The following ACVR2A variants were observed in gnomAD, a reference collection of about 807,000 sequenced individuals.
ACVR2A encodes activin A receptor type 2A.
Under a neutral mutation model 61.4 loss-of-function variants are expected in ACVR2A, and 7 were observed. That is an observed-to-expected ratio of 0.11 (90% CI 0.06 to 0.21). ACVR2A has a LOEUF of 0.21. ACVR2A is among the 10% of genes least tolerant of loss of function. ACVR2A has a pLI of 1.00. For missense variants in ACVR2A, 322 were observed against 621.7 expected, an observed-to-expected ratio of 0.52 and a Z score of 5.13; for synonymous variants, 193 against 208.3, an observed-to-expected ratio of 0.93 and a Z score of 0.63.
intron 1 of ACVR2A, among the ~76,000 whole-genome samples, chr2:147,892,326 T>A (rs1686608750): frequency 6.6e-6 from 1 of 151,464 alleles, no homozygotes; most frequent in African/African-American, 2.4e-5. Flanking sequence ...CACTGTCAGT[T>A]CATGCTATAA....
chr2:147,883,470 C>T (rs1284436069), intron 1 of ACVR2A, among the ~76,000 whole-genome samples: 3 of 152,200 alleles, frequency 2.0e-5, no homozygotes, highest in African/African-American at 7.2e-5. Flanking sequence ...GGATTACAGG[C>T]ATGAGCCACT....
intron 1 of ACVR2A, among the ~76,000 whole-genome samples, chr2:147,863,530 T>C (rs1685777819): frequency 6.6e-6 from 1 of 152,252 alleles, no homozygotes; most frequent in Non-Finnish European, 1.5e-5. Flanking sequence ...ATGTTTTGTA[T>C]GTTATATGTG....
rs1405957470 is a variant in ACVR2A at position 147,861,434 on chromosome 2, T to G, written c.55+16227T>G. 3.3e-5 allele frequency among the ~76,000 whole-genome samples: 5 copies of G among 152,196 alleles called. No individual in the cohort carries two copies. In the South Asian group the frequency reaches 6.2e-4, roughly 19 times the overall value. On this transcript the variant is annotated intron_variant, in intron 1 of 10. Transcript: ENST00000241416. Reference sequence around the variant, plus strand: ...ATTATGTAGTTTATTGGTATAGTTTTATGTAAAGATTTTGGGGAGGATCTT... The same window carrying G: ...ATTATGTAGTTTATTGGTATAGTTTGATGTAAAGATTTTGGGGAGGATCTT...
At chr2:147,885,513 T>C (rs937416951) in intron 1 of ACVR2A, among the ~76,000 whole-genome samples, 4 of 152,150 alleles carry the variant, frequency 2.6e-5, no homozygotes, top group African/African-American at 4.8e-5. Context: ...AAAAGAGATA[T>C]GTAAGCAGTT....
intron 1 of ACVR2A, among the ~76,000 whole-genome samples, chr2:147,847,900 C>T (rs1685353650): frequency 1.3e-5 from 2 of 152,172 alleles, no homozygotes; most frequent in African/African-American, 4.8e-5. Context: ...TGCTTTAGTA[C>T]TTAGATTTAT....
At chr2:147,873,205 G>A (rs1464367419) in intron 1 of ACVR2A, among the ~76,000 whole-genome samples, 1 of 151,894 alleles carries the variant, frequency 6.6e-6, no homozygotes, top group Non-Finnish European at 1.5e-5. Flanking sequence ...GCACTATGGA[G>A]TGTCTAGAGT....
chr2:147,923,793 A>G lies in ACVR2A; in HGVS notation c.1216+682A>G, dbSNP rs1035326192. 5.3e-5 allele frequency among the ~76,000 whole-genome samples: 8 copies of G among 152,094 alleles called. 1 individual carries two copies. Among genetic ancestry groups the G allele is most frequent in the African/African-American group, 1.9e-4 (8 of 41,422 alleles). On this transcript the variant is annotated intron_variant, in intron 9 of 10. Coordinates refer to ENST00000241416, the MANE Select transcript of ACVR2A (RefSeq NM_001616.5). ...ACTGCTAAACTCCTAAACAGATGTA[A>G]ATGAGCTTGATCTGTTTCTTAAGTT...
At chr2:147,916,806 C>G (rs1687258633) in intron 5 of ACVR2A, among the ~76,000 whole-genome samples, 1 of 151,858 alleles carries the variant, frequency 6.6e-6, no homozygotes, top group African/African-American at 2.4e-5. Context: ...TTCTCATAGA[C>G]CTTGTAGGGT....
intron 1 of ACVR2A, among the ~76,000 whole-genome samples, chr2:147,858,807 G>A (rs749719160): frequency 3.3e-5 from 5 of 152,122 alleles, no homozygotes; most frequent in Non-Finnish European, 7.4e-5. Context: ...ATAAACTAGT[G>A]TCACTGTGTT....
intron 1 of ACVR2A, among the ~76,000 whole-genome samples, chr2:147,870,285 C>T (rs1335454639): frequency 6.6e-6 from 1 of 152,072 alleles, no homozygotes; most frequent in Non-Finnish European, 1.5e-5. Flanking sequence ...ATTTTTTCCT[C>T]TCTTTAATAT....
At chr2:147,921,861 T>G (rs1687388935) in intron 8 of ACVR2A, among the ~76,000 whole-genome samples, 1 of 152,198 alleles carries the variant, frequency 6.6e-6, no homozygotes, top group South Asian at 2.1e-4. Flanking sequence ...TTAAAAATTA[T>G]TGGCTTACAG....
At chr2:147,914,303 C>G (rs1054861605) in intron 4 of ACVR2A, among the ~76,000 whole-genome samples, 3 of 151,938 alleles carry the variant, frequency 2.0e-5, no homozygotes, top group African/African-American at 4.8e-5. Context: ...CTTCCTGCAT[C>G]TTGCTTTAGT....
rs1209504148 is a variant in ACVR2A, at chr2:147,868,366, T to C, written c.55+23159T>C. 2.0e-5 allele frequency among the ~76,000 whole-genome samples: 3 copies of C among 152,158 alleles called. No individual in the cohort carries two copies. In the South Asian group the frequency reaches 6.2e-4, roughly 32 times the overall value. ...AGGAGAGAAGAAGTGGAAAATGTAATGGCAGATAACGTTAGAAAAATAAGT... is the reference window on the plus strand; with the variant it reads ...AGGAGAGAAGAAGTGGAAAATGTAACGGCAGATAACGTTAGAAAAATAAGT... On this transcript the variant is annotated intron_variant, in intron 1 of 10. Coordinates refer to ENST00000241416, the MANE Select transcript of ACVR2A (RefSeq NM_001616.5).
At chr2:147,853,143 C>T (rs796205898) in intron 1 of ACVR2A, among the ~76,000 whole-genome samples, 2 of 152,016 alleles carry the variant, frequency 1.3e-5, no homozygotes, top group African/African-American at 4.8e-5. Flanking sequence ...TTGAAAGTGC[C>T]TTCATAACTA....
At chr2:147,882,255 A>G (rs1440808506) in intron 1 of ACVR2A, among the ~76,000 whole-genome samples, 1 of 152,166 alleles carries the variant, frequency 6.6e-6, no homozygotes, top group Admixed American at 6.6e-5. Flanking sequence ...TTAACATTAG[A>G]AGACCTTAAA....
intron 1 of ACVR2A, among the ~76,000 whole-genome samples, chr2:147,853,744 TAGAG>T (rs913913099): frequency 1.3e-5 from 2 of 152,072 alleles, no homozygotes; most frequent in African/African-American, 4.8e-5. Context: ...TTATAAAGCT[TAGAG>T]GGAGGAGTTT....
chr2:147,852,403 T>C (rs1417902306), intron 1 of ACVR2A, among the ~76,000 whole-genome samples: 1 of 152,128 alleles, frequency 6.6e-6, no homozygotes, highest in Non-Finnish European at 1.5e-5. Context: ...TGTAAATCCC[T>C]AAAACCAGTG....
chr2:147,891,627 A>G (rs1686584573), intron 1 of ACVR2A, among the ~76,000 whole-genome samples: 1 of 152,216 alleles, frequency 6.6e-6, no homozygotes, highest in Non-Finnish European at 1.5e-5. Context: ...CATGAAATCC[A>G]ATTTTCAGTG....
chr2:147,926,899 A>G (rs978238098), intron 10 of ACVR2A, among the ~76,000 whole-genome samples, 181 bp from the exon 11 acceptor site: 1 of 151,090 alleles, frequency 6.6e-6, no homozygotes, highest in South Asian at 2.1e-4. Context: ...TCTCATGCTT[A>G]AAAAAAAAGT....
Sources: allele counts gnomAD v4.1 joint callset (sites outside exome capture counted in the v4.1 genomes callset), GRCh38; gene constraint gnomAD v4.1.1; transcripts MANE v1.5; gene names NCBI Gene and HGNC (gene_info 2026-07-23, HGNC 2026-07-21).